The following DAAM1 variants were observed in gnomAD, a reference collection of about 807,000 sequenced individuals.
DAAM1 encodes the protein dishevelled associated activator of morphogenesis 1.
DAAM1 carries 52 observed loss-of-function variants against 130.0 expected under a neutral mutation model. The ratio of observed to expected loss-of-function variants is 0.40; its 90% CI spans 0.32 to 0.50. DAAM1 has a LOEUF of 0.50. Ranked by LOEUF, DAAM1 falls within the 20% of genes least tolerant of loss-of-function variation. The pLI, the probability that DAAM1 is intolerant of heterozygous loss-of-function variation, is 0.61. For synonymous variants in DAAM1, 452 were observed against 444.5 expected (o/e 1.02, Z -0.21); for missense variants, 1,134 against 1,303.8 (o/e 0.87, Z 2.01).
chr14:59,333,463 A>T (rs984508295), intron 15 of DAAM1, among the ~76,000 whole-genome samples: 1 of 152,256 alleles, frequency 6.6e-6, no homozygotes, highest in African/African-American at 2.4e-5. Flanking sequence ...GACCAGACTC[A>T]TTCCTGATTG....
chr14:59,248,869 C>T (rs1040210303), intron 1 of DAAM1, among the ~76,000 whole-genome samples: 11 of 152,182 alleles, frequency 7.2e-5, no homozygotes, highest in South Asian at 4.2e-4. Context: ...CTGCAACTTC[C>T]GCCTGCCTCC....
At chr14:59,301,544 T>TC (rs1399956122) in intron 3 of DAAM1, among the ~76,000 whole-genome samples, 1 of 152,118 alleles carries the variant, frequency 6.6e-6, no homozygotes, top group Admixed American at 6.5e-5. Context: ...ATATTTGCCA[T>TC]CACTGAACAC....
At chr14:59,346,554 G>GC (rs979982380) in intron 16 of DAAM1, among the ~76,000 whole-genome samples, 7 of 152,042 alleles carry the variant, frequency 4.6e-5, no homozygotes, top group African/African-American at 1.7e-4. Flanking sequence ...ATTACTTGAG[G>GC]CCAGGAATTC....
chr14:59,231,228 G>A (rs1324873770), intron 1 of DAAM1, among the ~76,000 whole-genome samples: 1 of 152,058 alleles, frequency 6.6e-6, no homozygotes, highest in Non-Finnish European at 1.5e-5. Flanking sequence ...GGGGTTCAAT[G>A]TGATGTTTTG....
At chr14:59,236,677 C>CT (rs1195385080) in intron 1 of DAAM1, among the ~76,000 whole-genome samples, 1 of 152,096 alleles carries the variant, frequency 6.6e-6, no homozygotes, top group African/African-American at 2.4e-5. Context: ...TTATCTTTGT[C>CT]TGTCTCCTCT....
chr14:59,237,759 C>T (rs922341736), intron 1 of DAAM1, among the ~76,000 whole-genome samples: 2 of 152,150 alleles, frequency 1.3e-5, no homozygotes, highest in Non-Finnish European at 2.9e-5. Flanking sequence ...CAGCACTCAC[C>T]AAAGCAGGAG....
At chr14:59,334,822 A>G (rs1358255205) in intron 15 of DAAM1, among the ~76,000 whole-genome samples, 2 of 152,180 alleles carry the variant, frequency 1.3e-5, no homozygotes, top group Non-Finnish European at 2.9e-5. Flanking sequence ...AAATGTGTTA[A>G]ATTTTTGCAC....
chr14:59,322,969 CAG>C lies in DAAM1; in HGVS notation c.521_522del (p.Glu174ValfsTer29). 2 of 1,614,144 alleles carry C rather than the reference CAG, an allele frequency of 1.2e-6. No homozygotes were observed. The highest frequency in any genetic ancestry group is 1.7e-6 in the Non-Finnish European group (2 of 1,179,980). On this transcript the variant is annotated frameshift_variant, in exon 6 of 25. Coordinates refer to ENST00000360909, the MANE Select transcript of DAAM1 (RefSeq NM_001270520.2). LOFTEE classifies it high-confidence loss of function. ...CTAAAGACCATGGACTACGAGACCT[CAG>C]AGTCTCGAATACATACTTCTCTCAT...
At chr14:59,367,287 A>AAAAG (rs1445030614) in intron 23 of DAAM1, 142 bp from the exon 24 acceptor site, 3 of 1,372,440 alleles carry the variant, frequency 2.2e-6, no homozygotes, top group Non-Finnish European at 1.9e-6. Flanking sequence ...CTCCATCTCC[A>AAAAG]AAAGAAAGAA....
intron 10 of DAAM1, 38 bp from the exon 11 acceptor site, chr14:59,326,472 A>G (rs1400640437): frequency 6.4e-7 from 1 of 1,556,612 alleles, no homozygotes; most frequent in Admixed American, 2.0e-5. Flanking sequence ...CTTAGAAACA[A>G]CTTGAAGATT....
chr14:59,223,106 G>GAGGC (rs1392890247), intron 1 of DAAM1, among the ~76,000 whole-genome samples: 2 of 152,256 alleles, frequency 1.3e-5, no homozygotes, highest in Non-Finnish European at 2.9e-5. Flanking sequence ...AATTGCCCAT[G>GAGGC]AGGCCATAGG....
chr14:59,342,011 C>G (rs967093454), intron 16 of DAAM1, among the ~76,000 whole-genome samples: 2 of 152,146 alleles, frequency 1.3e-5, no homozygotes, highest in African/African-American at 4.8e-5. Context: ...ACATCTCTTT[C>G]TGGCAAATTT....
intron 12 of DAAM1, among the ~76,000 whole-genome samples, chr14:59,327,402 C>CTTTGTTTTTTTTTTTTTTTT (rs1885249122): frequency 1.7e-5 from 1 of 58,992 alleles, no homozygotes; most frequent in Admixed American, 2.5e-4. Flanking sequence ...CACTTGGTTT[C>CTTTGTTTTTTTTTTTTTTTT]TTTTTTTTTT....
At position 59,266,603 on chromosome 14, in the gene DAAM1, G is replaced by A. The variant is rs1882453576; in HGVS notation, c.183+2943G>A. Among the ~76,000 whole-genome samples the A allele has an allele frequency of 2.0e-5, 3 of 152,230 alleles. No individual in the cohort carries two copies. In the South Asian group the frequency reaches 6.2e-4, roughly 32 times the overall value. The stretch of plus-strand genomic sequence containing the variant: ...TGGAGAACAAATTATCTTGAGGTTT[G>A]TATCTGTCCTGGTAAGTGAAGGATG... On this transcript the variant is annotated intron_variant, in intron 2 of 24. Transcript: ENST00000360909.
intron 1 of DAAM1, among the ~76,000 whole-genome samples, chr14:59,246,157 T>G (rs1881359821): frequency 6.6e-6 from 1 of 152,170 alleles, no homozygotes; most frequent in African/African-American, 2.4e-5. Flanking sequence ...GAAACATACC[T>G]TGAGAATTTT....
At chr14:59,359,023 G>A (rs1886600505) in intron 20 of DAAM1, among the ~76,000 whole-genome samples, 2 of 152,068 alleles carry the variant, frequency 1.3e-5, no homozygotes, top group Admixed American at 1.3e-4. Context: ...TGGATCCACT[G>A]GGAAGGTAAA....
intron 1 of DAAM1, among the ~76,000 whole-genome samples, chr14:59,243,329 T>C (rs942140541): frequency 6.6e-6 from 1 of 152,220 alleles, no homozygotes; most frequent in Non-Finnish European, 1.5e-5. Flanking sequence ...TAAAGAGTGT[T>C]GGACTTTGTT....
chr14:59,327,875 A>G (rs1555363428), intron 12 of DAAM1, among the ~76,000 whole-genome samples: 1 of 152,250 alleles, frequency 6.6e-6, no homozygotes, highest in Non-Finnish European at 1.5e-5. Flanking sequence ...ATCTCTTAGT[A>G]TCAAATGATA....
chr14:59,305,108 C>A (rs961533313), intron 3 of DAAM1, among the ~76,000 whole-genome samples: 1 of 152,168 alleles, frequency 6.6e-6, no homozygotes, highest in Admixed American at 6.5e-5. Flanking sequence ...TGAATTTGCA[C>A]GATACATAAG....
Sources: gnomAD v4.1 joint callset for allele counts (sites outside exome capture counted in the v4.1 genomes callset) on GRCh38, gnomAD v4.1.1 for gene constraint, MANE v1.5 for transcripts, NCBI Gene and HGNC (gene_info 2026-07-23, HGNC 2026-07-21) for gene names.